IL17B: variants seen among roughly 807,000 people sequenced by gnomAD.
IL17B encodes interleukin 17B.
IL17B carries 14 observed loss-of-function variants against 14.7 expected under a neutral mutation model. The ratio of observed to expected loss-of-function variants is 0.95; its 90% confidence interval spans 0.63 to 1.49. The LOEUF (loss-of-function observed/expected upper bound fraction) is 1.49. IL17B is among the 40% of genes most tolerant of loss of function. IL17B has a pLI of 0.00. For synonymous variants in IL17B, 105 were observed against 94.8 expected (o/e 1.11, Z -0.62); for missense variants, 233 against 252.8 (o/e 0.92, Z 0.53).
intron 1 of IL17B, among the ~76,000 whole-genome samples, chr5:149,402,985 A>G (rs1318555452): frequency 1.5e-5 from 2 of 137,676 alleles, no homozygotes; most frequent in African/African-American, 5.6e-5. Flanking sequence ...CCTGGGTTAC[A>G]CAGTGAGACT....
intron 1 of IL17B, among the ~76,000 whole-genome samples, chr5:149,392,116 G>A (rs937964890): frequency 6.6e-6 from 1 of 152,218 alleles, no homozygotes; most frequent in Non-Finnish European, 1.5e-5. Context: ...TAATATCTAT[G>A]AGAATCACAA....
intron 1 of IL17B, among the ~76,000 whole-genome samples, chr5:149,397,582 T>TA (rs1250338125): frequency 6.6e-6 from 1 of 152,210 alleles, no homozygotes; most frequent in Non-Finnish European, 1.5e-5. Flanking sequence ...AGAAACACAA[T>TA]AAAAAGAAAT....
rs201386909 is a variant in IL17B, at chr5:149,374,457, C to T, written c.455G>A (p.Arg152His). 51 of 1,611,344 alleles carry T rather than the reference C, an allele frequency of 3.2e-5. No homozygotes were observed. The highest frequency in any genetic ancestry group is 4.2e-5 in the Non-Finnish European group (49 of 1,179,732). Reference sequence around the variant, plus strand: ...TGTGCGGGGCGGTGGCGGGCAGAGGCGGCGGCGCACAGGAACCTGGCTGAA... The same window carrying T: ...TGTGCGGGGCGGTGGCGGGCAGAGGTGGCGGCGCACAGGAACCTGGCTGAA... ...PVFSQVPVRR[R>H]LCPPPPRTGP... Residue 152 changes from arginine (R) to histidine (H), a missense_variant, in exon 3 of 3, where the codon CGC becomes CAC. By Grantham distance (29) the Arg-to-His change is conservative (BLOSUM62 0). Coordinates refer to ENST00000261796, the MANE Select transcript of IL17B (RefSeq NM_014443.3). The surrounding 1 kb of genome is among the most constrained non-coding windows in gnomAD (Gnocchi z 5.0).
At chr5:149,379,162 C>A (rs369723190) in intron 1 of IL17B, 43 bp downstream of exon 1, 20 of 1,613,004 alleles carry the variant, frequency 1.2e-5, no homozygotes, top group Admixed American at 3.3e-5. Flanking sequence ...CATATTTGGG[C>A]TCTTAAAAAG....
rs114125598 is a variant in IL17B, at chr5:149,401,235, A to G, written n.95+2873T>C. 6.9e-3 allele frequency among the ~76,000 whole-genome samples: 1,058 copies of G among 152,372 alleles called. 10 individuals are homozygous for G. Among genetic ancestry groups the G allele is most frequent in the African/African-American group, 0.024 (988 of 41,588 alleles). ...ATTGCATAAGCTTCCGATTCCCTGT[A>G]GTAAATCCCTTTCTGCTCAAATGAG... On this transcript the variant is annotated intron_variant and non_coding_transcript_variant, in intron 1 of 2. Coordinates refer to the IL17B transcript ENST00000505432.
At chr5:149,393,115 C>T (rs1209401727) in intron 1 of IL17B, among the ~76,000 whole-genome samples, 1 of 152,050 alleles carries the variant, frequency 6.6e-6, no homozygotes, top group Non-Finnish European at 1.5e-5. Flanking sequence ...GTTACCTAAC[C>T]CGTTTATTGT....
intron 1 of IL17B, among the ~76,000 whole-genome samples, chr5:149,378,767 G>A (rs1240305269): frequency 6.6e-6 from 1 of 152,206 alleles, no homozygotes; most frequent in Non-Finnish European, 1.5e-5. Flanking sequence ...TCTCTCTTTA[G>A]AGTTTCTCAC....
At chr5:149,397,882 T>C (rs901975740) in intron 1 of IL17B, among the ~76,000 whole-genome samples, 12 of 152,150 alleles carry the variant, frequency 7.9e-5, no homozygotes, top group African/African-American at 2.9e-4. Context: ...GAAAAGTCTG[T>C]CCCAGCTCTC....
intron 1 of IL17B, among the ~76,000 whole-genome samples, chr5:149,385,428 G>A (rs781453918): frequency 3.7e-4 from 56 of 152,312 alleles, no homozygotes; most frequent in Admixed American, 5.9e-4. Flanking sequence ...ACAGGCGTGA[G>A]CCACCGTACG....
intron 1 of IL17B, among the ~76,000 whole-genome samples, chr5:149,377,482 G>T (rs934750015): frequency 1.3e-5 from 2 of 152,232 alleles, no homozygotes; most frequent in Admixed American, 6.5e-5. Context: ...GGGGGCACGT[G>T]TCAGTTTCCA....
At chr5:149,398,748 A>C (rs1759147252) in intron 1 of IL17B, among the ~76,000 whole-genome samples, 1 of 152,166 alleles carries the variant, frequency 6.6e-6, no homozygotes, top group African/African-American at 2.4e-5. Context: ...CTCTACTAAA[A>C]ATACAAAATT....
chr5:149,392,433 A>C (rs1758989744), intron 1 of IL17B, among the ~76,000 whole-genome samples: 1 of 152,248 alleles, frequency 6.6e-6, no homozygotes, highest in Non-Finnish European at 1.5e-5. Context: ...GATACACTCC[A>C]ATAGCCAATA....
chr5:149,376,224 C>T, intron 2 of IL17B, among the ~76,000 whole-genome samples: 1 of 152,228 alleles, frequency 6.6e-6, no homozygotes, highest in East Asian at 1.9e-4. Context: ...TCGCAGCCTG[C>T]TGTGCGCCCT....
chr5:149,398,458 C>G (rs775723016), intron 1 of IL17B, among the ~76,000 whole-genome samples: 1 of 152,192 alleles, frequency 6.6e-6, no homozygotes, highest in South Asian at 2.1e-4. Flanking sequence ...AACACTCATA[C>G]GTTTTTGAGA....
At chr5:149,383,060 T>C (rs1367452865), upstream of IL17B, among the ~76,000 whole-genome samples, 1 of 152,208 alleles carries the variant, frequency 6.6e-6, no homozygotes, top group Non-Finnish European at 1.5e-5. Flanking sequence ...CCTTCACTGC[T>C]GTGTCATCTT....
intron 1 of IL17B, 64 bp from the exon 2 acceptor site, chr5:149,377,089 G>A: frequency 7.3e-7 from 1 of 1,374,920 alleles, no homozygotes; most frequent in Non-Finnish European, 9.8e-7. Context: ...CAAGACTTGG[G>A]GTCCATGGTC....
intron 1 of IL17B, among the ~76,000 whole-genome samples, chr5:149,399,487 C>CT (rs33989202): frequency 0.21 from 31,772 of 151,376 alleles, 4,571 homozygotes; most frequent in African/African-American, 0.41. Flanking sequence ...AGACAATTAT[C>CT]TTTTTTTTTA....
intron 1 of IL17B, among the ~76,000 whole-genome samples, chr5:149,387,299 C>G (rs1381183162): frequency 6.6e-6 from 1 of 152,172 alleles, no homozygotes; most frequent in African/African-American, 2.4e-5. Context: ...GGAATCTGAC[C>G]ATTTCCAAAG....
intron 2 of IL17B, among the ~76,000 whole-genome samples, chr5:149,375,451 G>A (rs1334470720): frequency 6.6e-6 from 1 of 152,214 alleles, no homozygotes; most frequent in African/African-American, 2.4e-5. Context: ...TAAATCTGAA[G>A]CTGCATTTTT....
Sources: allele counts gnomAD v4.1 joint callset (sites outside exome capture counted in the v4.1 genomes callset), GRCh38; gene constraint gnomAD v4.1.1; non-coding constraint Gnocchi (gnomAD v3.1); transcripts MANE v1.5; gene names NCBI Gene and HGNC (gene_info 2026-07-23, HGNC 2026-07-21).